TCOF1: variants seen among roughly 807,000 people sequenced by gnomAD.
The protein encoded by TCOF1 is treacle ribosome biogenesis factor 1.
In TCOF1, 33 loss-of-function variants were observed where a neutral mutation model predicts 149.0. The ratio of observed to expected loss-of-function variants is 0.22; its 90% CI spans 0.17 to 0.30. The LOEUF (loss-of-function observed/expected upper bound fraction) is 0.30. Among genes scored for constraint, TCOF1 ranks in the 10% least tolerant of loss-of-function variants. TCOF1 has a pLI of 1.00. For synonymous variants in TCOF1, 789 were observed against 738.8 expected, an observed-to-expected ratio of 1.07 and a Z score of -1.10; for missense variants, 1,728 against 1,840.7, an observed-to-expected ratio of 0.94 and a Z score of 1.12.
rs52808606 is a variant in TCOF1, at chr5:150,396,824, A to G, written c.4327A>G (p.Lys1443Glu). 10 of 1,593,482 alleles carry G rather than the reference A, an allele frequency of 6.3e-6. No homozygotes were observed. Among genetic ancestry groups the G allele is most frequent in the Non-Finnish European group, 7.7e-6 (9 of 1,167,192 alleles). The change falls in exon 24 of 27, where the codon AAG (lysine) becomes GAG (glutamate). Residue 1443 changes from lysine (K) to glutamate (E), a missense_variant. This residue lies in a region of TCOF1 where 1,696 missense variants were observed against 1,765.4 expected (regional missense o/e 0.96). Transcript: ENST00000643257. ...AAGCAACCCAAAGAGCAAGAAGGAG[A>G]AGAAGAAATCCGACAAGAGTGAGTG... is the stretch of plus-strand genomic sequence containing the variant. Reference protein sequence around the residue: ...DQSNPKSKKEKKKSDKRKKDK... With the variant: ...DQSNPKSKKEEKKSDKRKKDK...
At chr5:150,385,141 AC>A (rs1456229828) in intron 17 of TCOF1, 2 of 943,066 alleles carry the variant, frequency 2.1e-6, no homozygotes, top group East Asian at 2.3e-4. Flanking sequence ...CATGTTATAT[AC>A]CACAAATATA....
chr5:150,393,835 G>C, intron 23 of TCOF1: 1 of 462,634 alleles, frequency 2.2e-6, no homozygotes, highest in Non-Finnish European at 4.0e-6. Flanking sequence ...GCAACACAGA[G>C]AGACCCCATC....
intron 17 of TCOF1, among the ~76,000 whole-genome samples, chr5:150,387,564 C>T (rs1416710067): frequency 6.6e-6 from 1 of 152,238 alleles, no homozygotes; most frequent in African/African-American, 2.4e-5. Context: ...GACATTCTGG[C>T]CGTGGCTTTG....
In TCOF1 at chr5:150,390,017, C is replaced by T. The variant is rs749536580; in HGVS notation, c.3177C>T (p.Ala1059=). The T allele has an allele frequency of 1.2e-5, 19 of 1,609,570 alleles. No homozygotes were observed. The highest frequency in any genetic ancestry group is 6.8e-6 in the Non-Finnish European group (8 of 1,177,954). Residue 1059 remains alanine (A), a synonymous_variant, in exon 19 of 27, where the codon GCC becomes GCT. Coordinates refer to ENST00000643257, the MANE Select transcript of TCOF1 (RefSeq NM_001371623.1). ...ATGGCAAGAAACAGGAGGGACCAGCCACTCAGGTACCTGGTGGGCAAGGGA... is the reference window on the plus strand; with the variant it reads ...ATGGCAAGAAACAGGAGGGACCAGCTACTCAGGTACCTGGTGGGCAAGGGA... ...ISDGKKQEGP[A]TQVSKKNPAS...
intron 17 of TCOF1, chr5:150,383,095 AC>A (rs1765565107): frequency 1.3e-6 from 2 of 1,536,060 alleles, no homozygotes; most frequent in Non-Finnish European, 1.7e-6. Context: ...CAGAAGCAAG[AC>A]CCTGGCCCCA....
At chr5:150,395,373 A>G (rs944811957) in intron 23 of TCOF1, among the ~76,000 whole-genome samples, 1 of 152,128 alleles carries the variant, frequency 6.6e-6, no homozygotes, top group Non-Finnish European at 1.5e-5. Flanking sequence ...AGAGACCTCC[A>G]AGTCACTTGG....
chr5:150,396,151 G>A (rs1768455643), intron 23 of TCOF1, 131 bp from the exon 24 acceptor site: 6 of 1,049,906 alleles, frequency 5.7e-6, no homozygotes, highest in African/African-American at 1.6e-5. Flanking sequence ...TGACCGCCAA[G>A]CCTTGCTCTC....
chr5:150,376,242 G>A lies in TCOF1; in HGVS notation c.2054G>A (p.Gly685Asp), dbSNP rs1305040304. 1 of 1,614,202 alleles carries A rather than the reference G, an allele frequency of 6.2e-7. No individual in the cohort carries two copies. The highest frequency in any genetic ancestry group is 8.5e-7 in the Non-Finnish European group (1 of 1,180,028). ...GGCTCATCCCCAGCTGTGGCTGGGG[G>A]CACCCAGAGACCAGCAGAGGATTCT... Reference protein sequence around the residue: ...PAGSSPAVAGGTQRPAEDSSS... With the variant: ...PAGSSPAVAGDTQRPAEDSSS... Residue 685 changes from glycine (G) to aspartate (D), a missense_variant, in exon 13 of 27, where the codon GGC becomes GAC. This residue lies in a region of TCOF1 where 1,696 missense variants were observed against 1,765.4 expected (regional missense o/e 0.96). Transcript: ENST00000643257.
intron 20 of TCOF1, 51 bp from the exon 21 acceptor site, chr5:150,391,906 T>C (rs151016535): frequency 3.2e-6 from 5 of 1,582,458 alleles, no homozygotes; most frequent in Non-Finnish European, 4.3e-6. Context: ...AAGGACCAGG[T>C]CTTACTTGCC....
At chr5:150,384,526 G>T in intron 17 of TCOF1, 2 of 985,444 alleles carry the variant, frequency 2.0e-6, no homozygotes, top group South Asian at 9.4e-5. Context: ...GAGCCTTTAC[G>T]AGGCCACCTG....
At chr5:150,366,138 G>C (rs1407891085) in intron 3 of TCOF1, among the ~76,000 whole-genome samples, 3 of 147,016 alleles carry the variant, frequency 2.0e-5, no homozygotes, top group Non-Finnish European at 4.5e-5. Context: ...AAAAAAGGAA[G>C]AAGAGTCCTC....
In TCOF1 at chr5:150,368,918, C is replaced by T; in HGVS notation, c.565+16C>T. The T allele has an allele frequency of 6.2e-7, 1 of 1,613,148 alleles. No individual in the cohort carries two copies. Among genetic ancestry groups the T allele is most frequent in the Non-Finnish European group, 8.5e-7 (1 of 1,179,966 alleles). ...GCCAAGCCTGGTAAGAAGTCCCCAC[C>T]TCTAGGAACCTAGTCCCCAGAACTT... is the stretch of plus-strand genomic sequence containing the variant. On this transcript the variant is annotated intron_variant, in intron 5 of 26. Coordinates refer to ENST00000643257, the MANE Select transcript of TCOF1 (RefSeq NM_001371623.1).
Position 150,372,059 on chromosome 5 carries a change from G to A in TCOF1, c.693G>A (p.Lys231=). Residue 231 remains lysine, a synonymous_variant, in exon 7 of 27, where the codon AAG becomes AAA. Coordinates refer to ENST00000643257, the MANE Select transcript of TCOF1 (RefSeq NM_001371623.1). ...AQVKASSVST[K]ESPARKAAPA... ...TCAAAGCCTCATCAGTTTCTACTAA[G>A]GAGTCTCCAGCAAGAAAGGCGGCCC... is the stretch of plus-strand genomic sequence containing the variant. 6.2e-7 allele frequency: 1 copy of A among 1,614,216 alleles called. No homozygotes were observed. Among genetic ancestry groups the A allele is most frequent in the Non-Finnish European group, 8.5e-7 (1 of 1,180,042 alleles).
intron 4 of TCOF1, 129 bp from the exon 5 acceptor site, chr5:150,368,587 A>T (rs1353917993): frequency 4.9e-6 from 5 of 1,026,626 alleles, no homozygotes; most frequent in Non-Finnish European, 7.5e-6. Context: ...ATTGGGAAAC[A>T]GATTGAAGGG....
In TCOF1 at chr5:150,369,555, A is replaced by T. The variant is rs1173674880; in HGVS notation, c.592A>T (p.Ser198Cys). Residue 198 changes from serine (S) to cysteine (C), a missense_variant, in exon 6 of 27, where the codon AGC (serine) becomes TGC (cysteine). Ser to Cys is a moderately radical substitution (Grantham distance 112). Coordinates refer to ENST00000643257, the MANE Select transcript of TCOF1 (RefSeq NM_001371623.1). ...PGMVSAGQAD[S>C]SSEDTSSSSD... Reference sequence around the variant, plus strand: ...GATGGTGTCAGCGGGCCAGGCCGACAGCTCCAGCGAGGACACCTCCAGCTC... The same window carrying T: ...GATGGTGTCAGCGGGCCAGGCCGACTGCTCCAGCGAGGACACCTCCAGCTC... The T allele has an allele frequency of 2.5e-6, 4 of 1,614,130 alleles. No homozygotes were observed. The highest frequency in any genetic ancestry group is 3.3e-5 in the Admixed American group (2 of 60,032).
At chr5:150,385,769 G>C (rs1420885796) in intron 17 of TCOF1, among the ~76,000 whole-genome samples, 1 of 152,104 alleles carries the variant, frequency 6.6e-6, no homozygotes, top group Non-Finnish European at 1.5e-5. Context: ...AGGTAGGAGG[G>C]GTATCCCAGG....
intron 17 of TCOF1, among the ~76,000 whole-genome samples, chr5:150,381,473 G>A (rs1337759869): frequency 6.6e-6 from 1 of 152,230 alleles, no homozygotes; most frequent in Non-Finnish European, 1.5e-5. Flanking sequence ...AGCTGAACCT[G>A]AAGGATGACC....
chr5:150,370,245 A>C (rs1005596224), intron 6 of TCOF1, among the ~76,000 whole-genome samples: 15 of 152,228 alleles, frequency 9.9e-5, no homozygotes, highest in African/African-American at 3.6e-4. Flanking sequence ...GGCTGCTATG[A>C]AGTGGAAATG....
At position 150,392,078 on chromosome 5, in the gene TCOF1, C is replaced by G; in HGVS notation, c.3419C>G (p.Pro1140Arg). ...LPEVQQATKA[P>R]ESSDDSEDSS... ...GAGGTCCAGCAGGCCACCAAAGCCCCTGAGAGCTCAGATGACAGTGAGGAC... is the reference window on the plus strand; with the variant it reads ...GAGGTCCAGCAGGCCACCAAAGCCCGTGAGAGCTCAGATGACAGTGAGGAC... The change falls in exon 21 of 27, where the codon CCT becomes CGT. Residue 1140 changes from proline to arginine, a missense_variant. Physicochemically the swap from Pro to Arg is moderately radical, Grantham distance 103 (BLOSUM62 -2). Coordinates refer to ENST00000643257, the MANE Select transcript of TCOF1 (RefSeq NM_001371623.1). The G allele has an allele frequency of 6.2e-7, 1 of 1,614,244 alleles. No individual in the cohort carries two copies. The highest frequency in any genetic ancestry group is 8.5e-7 in the Non-Finnish European group (1 of 1,180,046).
Sources: allele counts gnomAD v4.1 joint callset (sites outside exome capture counted in the v4.1 genomes callset), GRCh38; gene constraint gnomAD v4.1.1; regional missense constraint gnomAD v4.1.1; transcripts MANE v1.5; gene names NCBI Gene and HGNC (gene_info 2026-07-23, HGNC 2026-07-21).